LOC400499: variants seen among roughly 807,000 people sequenced by gnomAD.
chr16:11,472,078 C>T, the LOC400499 span: 1 of 360,080 alleles, frequency 2.8e-6, no homozygotes, highest in South Asian at 1.5e-4. Flanking sequence ...AATCCTGGAT[C>T]CCCATCCACT....
the LOC400499 span, among the ~76,000 whole-genome samples, chr16:11,424,648 G>C: frequency 6.6e-6 from 1 of 152,198 alleles, no homozygotes; most frequent in Non-Finnish European, 1.5e-5. Flanking sequence ...CCGAGGAAAG[G>C]ACACAAATCT....
chr16:11,404,005 C>T, the LOC400499 span, among the ~76,000 whole-genome samples: 3 of 152,224 alleles, frequency 2.0e-5, no homozygotes, highest in African/African-American at 4.8e-5. Context: ...ATGCTAGCCC[C>T]GCAGCTGCTG....
chr16:11,434,367 T>G, the LOC400499 span, among the ~76,000 whole-genome samples: 6 of 151,970 alleles, frequency 3.9e-5, no homozygotes, highest in Admixed American at 1.3e-4. Flanking sequence ...ACAAAAAAAG[T>G]ACAAAAATTA....
chr16:11,518,735 C>G, the LOC400499 span, among the ~76,000 whole-genome samples: 2 of 152,178 alleles, frequency 1.3e-5, no homozygotes, highest in Non-Finnish European at 2.9e-5. Flanking sequence ...CTTCTTTGAA[C>G]TTCAGTCCAA....
chr16:11,424,400 C>G, the LOC400499 span: 1 of 399,216 alleles, frequency 2.5e-6, no homozygotes, highest in Non-Finnish European at 4.4e-6. Context: ...CCACTCACCC[C>G]AGTCCACCGC....
At chr16:11,438,829 T>C in the LOC400499 span, among the ~76,000 whole-genome samples, 1 of 152,050 alleles carries the variant, frequency 6.6e-6, no homozygotes. Flanking sequence ...GTGCGGTGGC[T>C]CATGCCTGTA....
At chr16:11,443,506 A>AGAGAGAGAGAGAGAGAG in the LOC400499 span, 1 of 360,548 alleles carries the variant, frequency 2.8e-6, no homozygotes, top group Non-Finnish European at 5.3e-6. Context: ...AGAGAGAGAG[A>AGAGAGAGAGAGAGAGAG]AACAATGACT....
chr16:11,461,981 G>C, the LOC400499 span: 3 of 796,350 alleles, frequency 3.8e-6, no homozygotes, highest in Non-Finnish European at 5.4e-6. Context: ...GGCTCACATG[G>C]AGCTTGGATC....
At chr16:11,464,210 G>A in the LOC400499 span, among the ~76,000 whole-genome samples, 5 of 152,252 alleles carry the variant, frequency 3.3e-5, no homozygotes, top group East Asian at 1.9e-4. Context: ...GTGCACACAC[G>A]AATATACAGA....
At chr16:11,414,563 C>T in the LOC400499 span, 19 of 399,414 alleles carry the variant, frequency 4.8e-5, no homozygotes, top group African/African-American at 2.9e-4. Flanking sequence ...CCCTTCCCAG[C>T]CCAGGAACAC....
At chr16:11,425,634 CT>C in the LOC400499 span, among the ~76,000 whole-genome samples, 1 of 152,220 alleles carries the variant, frequency 6.6e-6, no homozygotes, top group Admixed American at 6.5e-5. Flanking sequence ...ATCAAGCGAC[CT>C]AATTCGCAAA....
At chr16:11,452,607 C>G in the LOC400499 span, among the ~76,000 whole-genome samples, 1 of 152,224 alleles carries the variant, frequency 6.6e-6, no homozygotes, top group African/African-American at 2.4e-5. Flanking sequence ...CTGCATCTGC[C>G]CAGGCAGGAC....
chr16:11,489,507 A>G, the LOC400499 span, among the ~76,000 whole-genome samples: 2 of 147,326 alleles, frequency 1.4e-5, no homozygotes, highest in Non-Finnish European at 3.0e-5. Context: ...ATCCAACGGG[A>G]ATATTAGAGT....
the LOC400499 span, chr16:11,448,098 G>A: frequency 2.6e-6 from 4 of 1,530,050 alleles, no homozygotes; most frequent in African/African-American, 1.4e-5. Context: ...AGGCTGAAGA[G>A]AGGGACGGGC....
chr16:11,384,056 TC>T, the LOC400499 span: 3 of 1,231,464 alleles, frequency 2.4e-6, no homozygotes, highest in Non-Finnish European at 3.0e-6. Flanking sequence ...ACCATGTGGC[TC>T]CCCCGCGTAC....
chr16:11,440,933 C>G, the LOC400499 span: 3 of 399,072 alleles, frequency 7.5e-6, no homozygotes, highest in Non-Finnish European at 1.3e-5. Flanking sequence ...ATCTGGGGAC[C>G]CATACCTGGT....
chr16:11,384,905 A>G, the LOC400499 span: 30 of 1,232,308 alleles, frequency 2.4e-5, no homozygotes, highest in East Asian at 9.5e-4. Flanking sequence ...CCAGAGGCCC[A>G]GAGTCAGGCT....
the LOC400499 span, chr16:11,411,466 C>T: frequency 1.3e-5 from 5 of 396,788 alleles, no homozygotes; most frequent in African/African-American, 8.2e-5. Flanking sequence ...CAGTTCAGGG[C>T]TATTCACACA....
the LOC400499 span, among the ~76,000 whole-genome samples, chr16:11,380,272 C>G: frequency 2.4e-4 from 36 of 151,272 alleles, no homozygotes; most frequent in African/African-American, 8.5e-4. Flanking sequence ...GAAGGACTCC[C>G]TTTAGCATTT....
Sources: allele counts gnomAD v4.1 joint callset (sites outside exome capture counted in the v4.1 genomes callset), GRCh38; gene constraint gnomAD v4.1.1; transcripts MANE v1.5.